Variants in ARRDC5 observed in about 807,000 individuals in gnomAD.
ARRDC5 encodes the protein arrestin domain-containing protein 5.
In ARRDC5, 12 loss-of-function variants were observed where a neutral mutation model predicts 13.3. That is an observed-to-expected ratio of 0.90 (90% CI 0.58 to 1.46). ARRDC5 has a LOEUF of 1.46. Ranked by LOEUF, ARRDC5 falls within the 40% of genes most tolerant of loss-of-function variation. The probability of loss-of-function intolerance (pLI) is 0.00; values close to 1 mark genes in which losing one functional copy is unlikely to be tolerated. For missense variants in ARRDC5, 406 were observed against 418.7 expected (o/e 0.97, Z 0.26); for synonymous variants, 181 against 173.4 (o/e 1.04, Z -0.34).
At chr19:4,912,158 C>T in the ARRDC5 span, among the ~76,000 whole-genome samples, 1 of 152,308 alleles carries the variant, frequency 6.6e-6, no homozygotes, top group South Asian at 2.1e-4. Flanking sequence ...TTAACCCGCC[C>T]TGCCCCGGGA....
At chr19:4,905,813 G>C (rs189242895), upstream of ARRDC5, among the ~76,000 whole-genome samples, 10 of 152,166 alleles carry the variant, frequency 6.6e-5, no homozygotes, top group Non-Finnish European at 1.5e-5. Context: ...CACTGTGCCC[G>C]GCCAGTGTTA....
Position 4,902,826 on chromosome 19 carries a change from G to A in ARRDC5, c.-1C>T. The A allele has an allele frequency of 6.2e-7, 1 of 1,613,814 alleles. No homozygotes were observed. The highest frequency in any genetic ancestry group is 8.5e-7 in the Non-Finnish European group (1 of 1,179,836). The stretch of plus-strand genomic sequence containing the variant: ...ATTCGATCGACTTCACCACAGACAT[G>A]GGGGGTTGGGGGGTAGAGAGACATT... On this transcript the variant is annotated 5_prime_UTR_variant, in exon 1 of 3. Transcript: ENST00000650722.
At position 4,902,577 on chromosome 19, in the gene ARRDC5, C is replaced by A. The variant is rs2031959144; in HGVS notation, c.249G>T (p.Val83=). 6.2e-7 allele frequency: 1 copy of A among 1,613,506 alleles called. No individual in the cohort carries two copies. Among genetic ancestry groups the A allele is most frequent in the African/African-American group, 1.3e-5 (1 of 74,922 alleles). ...DYVHKTKTFP[V]EDNWLSAGSH... is the part of the protein sequence containing the mutation. ...GGCTGTTGGCCTCGTCCTTACCCTCCACTGGGAATGTCTTTGTCTTATGCA... is the reference window on the plus strand; with the variant it reads ...GGCTGTTGGCCTCGTCCTTACCCTCAACTGGGAATGTCTTTGTCTTATGCA... The change falls in exon 1 of 3, where the codon GTG becomes GTT. Residue 83 remains valine (V), a synonymous_variant. Coordinates refer to ENST00000650722, the MANE Select transcript of ARRDC5 (RefSeq NM_001080523.3).
At chr19:4,909,638 T>C in the ARRDC5 span, 3 of 576,086 alleles carry the variant, frequency 5.2e-6, no homozygotes, top group Non-Finnish European at 9.1e-6. Context: ...AGACAAGCTG[T>C]TCGCGGCGAC....
upstream of ARRDC5, among the ~76,000 whole-genome samples, chr19:4,906,904 G>C (rs1000438138): frequency 1.3e-5 from 2 of 152,246 alleles, no homozygotes; most frequent in Non-Finnish European, 2.9e-5. Flanking sequence ...AGCTCAAGCC[G>C]TCTCACACCC....
intron 1 of ARRDC5, among the ~76,000 whole-genome samples, chr19:4,901,803 AT>A (rs2031925273): frequency 1.3e-5 from 2 of 152,056 alleles, no homozygotes; most frequent in Admixed American, 1.3e-4. Context: ...ACTCTCTGAC[AT>A]TTGTTCAGAT....
upstream of ARRDC5, among the ~76,000 whole-genome samples, chr19:4,905,445 A>G (rs1199424792): frequency 2.0e-5 from 3 of 150,802 alleles, no homozygotes; most frequent in Non-Finnish European, 4.4e-5. Context: ...TTAAAACATT[A>G]TGAGATTTTT....
chr19:4,915,170 C>T, the ARRDC5 span, among the ~76,000 whole-genome samples: 1 of 152,228 alleles, frequency 6.6e-6, no homozygotes, highest in African/African-American at 2.4e-5. Flanking sequence ...GCAAGAGTCA[C>T]TTGTCACAGT....
the ARRDC5 span, among the ~76,000 whole-genome samples, chr19:4,915,731 A>C: frequency 5.9e-5 from 9 of 152,066 alleles, no homozygotes; most frequent in East Asian, 1.9e-4. Context: ...AAAACAAAAA[A>C]CAAAACCAAA....
At chr19:4,899,542 G>T (rs1207451628) in intron 1 of ARRDC5, among the ~76,000 whole-genome samples, 1 of 151,720 alleles carries the variant, frequency 6.6e-6, no homozygotes, top group Non-Finnish European at 1.5e-5. Context: ...TGGGGCAGGA[G>T]AATTGCTTGA....
At chr19:4,911,219 G>A in the ARRDC5 span, among the ~76,000 whole-genome samples, 4 of 151,788 alleles carry the variant, frequency 2.6e-5, no homozygotes, top group Non-Finnish European at 5.9e-5. Flanking sequence ...AAGGAACAAA[G>A]GGAGGACTCA....
chr19:4,894,989 C>A (rs75096147), intron 2 of ARRDC5, among the ~76,000 whole-genome samples: 2 of 152,106 alleles, frequency 1.3e-5, no homozygotes, highest in Non-Finnish European at 2.9e-5. Flanking sequence ...TGCGTTAGGA[C>A]CCTGCAGGTG....
In ARRDC5 at chr19:4,900,727, A is replaced by C. The variant is rs187847620; in HGVS notation, c.253+1846T>G. 2.0e-3 allele frequency among the ~76,000 whole-genome samples: 311 copies of C among 152,154 alleles called. 1 individual carries two copies. The highest frequency in any genetic ancestry group is 7.3e-3 in the African/African-American group (303 of 41,512). On this transcript the variant is annotated intron_variant, in intron 1 of 2. Transcript: ENST00000650722. ...ACAGACCATCTCATCTAAATTTTTA[A>C]AGTCTAAAATGGCCAGGTGTGGTGG...
Position 4,902,696 on chromosome 19 carries a change from G to A in ARRDC5, c.130C>T (p.Leu44Phe), listed in dbSNP as rs1196403328. ...CATTCGACGTAACCCCTTCCCACGAGCTCCACCTTCACTATGGGGTCCACC... is the reference window on the plus strand; with the variant it reads ...CATTCGACGTAACCCCTTCCCACGAACTCCACCTTCACTATGGGGTCCACC... ...TLVDPIVKVE[L>F]VGRGYVEWSE... Residue 44 changes from leucine to phenylalanine, a missense_variant, in exon 1 of 3, where the codon CTC (leucine) becomes TTC (phenylalanine). Physicochemically the swap from Leu to Phe is conservative, Grantham distance 22. Coordinates refer to ENST00000650722, the MANE Select transcript of ARRDC5 (RefSeq NM_001080523.3). 6 of 1,614,008 alleles carry A rather than the reference G, an allele frequency of 3.7e-6. No homozygotes were observed. In the East Asian group the frequency reaches 1.1e-4, roughly 30 times the overall value.
At chr19:4,895,444 A>AAAAG (rs1555740720) in intron 2 of ARRDC5, among the ~76,000 whole-genome samples, 1,608 of 138,710 alleles carry the variant, frequency 0.012, 9 homozygotes, top group African/African-American at 0.03. Flanking sequence ...AAAAAAAAAA[A>AAAAG]AAAGAAAGAA....
At chr19:4,894,307 C>T (rs1030341172) in intron 2 of ARRDC5, among the ~76,000 whole-genome samples, 1 of 149,420 alleles carries the variant, frequency 6.7e-6, no homozygotes. Flanking sequence ...GTCAGGAGAT[C>T]GAGACCATCC....
chr19:4,901,921 C>T (rs987359277), intron 1 of ARRDC5, among the ~76,000 whole-genome samples: 2 of 152,066 alleles, frequency 1.3e-5, no homozygotes, highest in Non-Finnish European at 2.9e-5. Flanking sequence ...GAATCTCGCT[C>T]CGTCACCCAG....
upstream of ARRDC5, among the ~76,000 whole-genome samples, chr19:4,903,866 T>A (rs1401612547): frequency 1.3e-5 from 2 of 152,192 alleles, 1 homozygote; most frequent in South Asian, 4.1e-4. Context: ...GGAAAAAACA[T>A]AGAGATATGG....
At chr19:4,912,420 G>A in the ARRDC5 span, among the ~76,000 whole-genome samples, 31 of 152,272 alleles carry the variant, frequency 2.0e-4, 1 homozygote, top group African/African-American at 7.2e-4. Flanking sequence ...GCGTAGGTCA[G>A]TGGCGGGTTG....
Sources: gnomAD v4.1 joint callset for allele counts (sites outside exome capture counted in the v4.1 genomes callset) on GRCh38, gnomAD v4.1.1 for gene constraint, MANE v1.5 for transcripts, NCBI Gene and HGNC (gene_info 2026-07-23, HGNC 2026-07-21) for gene names.